Variants in ACAN observed in about 807,000 individuals in gnomAD.
ACAN encodes aggrecan, also known as aggrecan core protein.
ACAN carries 47 observed loss-of-function variants against 169.1 expected under a neutral mutation model. The ratio of observed to expected loss-of-function variants is 0.28; its 90% CI spans 0.22 to 0.35. ACAN has a LOEUF of 0.35. Ranked by LOEUF, ACAN falls within the 10% of genes least tolerant of loss-of-function variation. ACAN has a pLI of 1.00. For synonymous variants in ACAN, 1,115 were observed against 1,112.2 expected (o/e 1.00, Z -0.05); for missense variants, 2,716 against 2,759.9 (o/e 0.98, Z 0.36).
intron 1 of ACAN, among the ~76,000 whole-genome samples, chr15:88,811,800 G>C (rs1895827728): frequency 6.6e-6 from 1 of 152,102 alleles, no homozygotes; most frequent in African/African-American, 2.4e-5. Context: ...CTGGAGCTGA[G>C]TAAAGAGGTG....
At chr15:88,841,335 G>T (rs1596133134) in intron 4 of ACAN, among the ~76,000 whole-genome samples, 1 of 152,162 alleles carries the variant, frequency 6.6e-6, no homozygotes. Context: ...ATGGCCCAGA[G>T]GCCAAGTCCA....
In ACAN at chr15:88,851,589, G is replaced by A. The variant is rs1213877682; in HGVS notation, c.2027-205G>A. 5.4e-6 allele frequency: 3 copies of A among 557,688 alleles called. No homozygotes were observed. Among genetic ancestry groups the A allele is most frequent in the African/African-American group, 3.7e-5 (2 of 53,480 alleles). The allele number at this position is 557,688 out of a possible 1,614,324, so 34.5% of individuals were successfully genotyped here. On this transcript the variant is annotated intron_variant, in intron 10 of 18. Coordinates refer to ENST00000560601, the MANE Select transcript of ACAN (RefSeq NM_001369268.1). This position sits in a 1 kb window ranked among gnomAD's most constrained non-coding sequence, Gnocchi z 4.3. ...TGCAGGGGAGATGCCCCAGATCACT[G>A]GAACTAAAGTGCTGATGGTGCATAT... is the stretch of plus-strand genomic sequence containing the variant.
At chr15:88,809,681 T>C (rs562268916) in intron 1 of ACAN, among the ~76,000 whole-genome samples, 1 of 152,340 alleles carries the variant, frequency 6.6e-6, no homozygotes, top group East Asian at 1.9e-4. Flanking sequence ...CAGAACGTGC[T>C]GCATCAGGTT....
Position 88,869,601 on chromosome 15 carries a change from A to G in ACAN, c.7060+1272A>G, listed in dbSNP as rs1214370991. On this transcript the variant is annotated intron_variant, in intron 14 of 18. Coordinates refer to ENST00000560601, the MANE Select transcript of ACAN (RefSeq NM_001369268.1). This position sits in a 1 kb window ranked among gnomAD's most constrained non-coding sequence, Gnocchi z 4.2. ...TTGCCACAGGGTAGAAGAGTCTGGG[A>G]CTTCCATGCCGACAACAGCTATTTG... 6.6e-6 allele frequency among the ~76,000 whole-genome samples: 1 copy of G among 152,154 alleles called. No individual in the cohort carries two copies. Among genetic ancestry groups the G allele is most frequent in the Non-Finnish European group, 1.5e-5 (1 of 68,012 alleles).
Position 88,874,384 on chromosome 15 carries a change from T to G in ACAN, c.7631-21T>G. The G allele has an allele frequency of 2.5e-6, 4 of 1,582,092 alleles. No individual in the cohort carries two copies. Among genetic ancestry groups the G allele is most frequent in the Non-Finnish European group, 3.4e-6 (4 of 1,162,876 alleles). On this transcript the variant is annotated intron_variant, in intron 18 of 18. Transcript: ENST00000560601. This position sits in a 1 kb window ranked among gnomAD's most constrained non-coding sequence, Gnocchi z 7.3. Reference sequence around the variant, plus strand: ...TTCTTTCCAGGTCCACTGATATCTTTCCATCTCCCTTTCGTCCTAGCCACC... The same window carrying G: ...TTCTTTCCAGGTCCACTGATATCTTGCCATCTCCCTTTCGTCCTAGCCACC...
chr15:88,845,861 G>C lies in ACAN; in HGVS notation c.1408G>C (p.Gly470Arg). The C allele has an allele frequency of 6.9e-7, 1 of 1,458,076 alleles. No homozygotes were observed. Among genetic ancestry groups the C allele is most frequent in the South Asian group, 1.5e-5 (1 of 67,876 alleles). 90.3% of individuals were successfully genotyped at this position (1,458,076 alleles called of 1,614,324 possible). A position where few individuals can be genotyped will look rare whatever the true frequency, so the allele number is the denominator to read the frequency against. The change falls in exon 7 of 19, where the codon GGG becomes CGG. Residue 470 changes from glycine (G) to arginine (R), a missense_variant. Coordinates refer to ENST00000560601, the MANE Select transcript of ACAN (RefSeq NM_001369268.1). ...CGTCGTGCAGGTGACCGCTGTCCCT[G>C]GGCAGCCGCATTTGCCAGGGGGTAA... ...DLVVQVTAVP[G>R]QPHLPGGVVF...
intron 13 of ACAN, among the ~76,000 whole-genome samples, chr15:88,867,276 C>T (rs2141629200): frequency 6.6e-6 from 1 of 152,288 alleles, no homozygotes. Context: ...GAAGTTTGAT[C>T]AGAAAGGATA....
At position 88,872,815 on chromosome 15, in the gene ACAN, C is replaced by G. The variant is rs1284595986; in HGVS notation, c.7303-66C>G. On this transcript the variant is annotated intron_variant, in intron 16 of 18. Coordinates refer to ENST00000560601, the MANE Select transcript of ACAN (RefSeq NM_001369268.1). This position sits in a 1 kb window ranked among gnomAD's most constrained non-coding sequence, Gnocchi z 5.4. ...TGATGAAGAGGCTCCACGGGGAAGA[C>G]AGTCGGAGCAGGCCAACCCGCACTG... 3.9e-6 allele frequency: 6 copies of G among 1,550,742 alleles called. No individual in the cohort carries two copies. The highest frequency in any genetic ancestry group is 4.4e-6 in the Non-Finnish European group (5 of 1,135,948).
At chr15:88,834,488 G>A (rs1018472827) in intron 1 of ACAN, among the ~76,000 whole-genome samples, 8 of 152,194 alleles carry the variant, frequency 5.3e-5, no homozygotes, top group Middle Eastern at 6.3e-3. Context: ...CCCAGCCGGC[G>A]GTGACTGAGC....
chr15:88,851,917 A>G lies in ACAN; in HGVS notation c.2150A>G (p.Glu717Gly), dbSNP rs1373392482. The change falls in exon 11 of 19, where the codon GAG (glutamate) becomes GGG (glycine). Residue 717 changes from glutamate (E) to glycine (G), a missense_variant. Around this residue, in one of 3 missense-constraint regions of ACAN, gnomAD observed 1,283 missense variants for 1,281.5 expected, o/e 1.00. Transcript: ENST00000560601. This position sits in a 1 kb window ranked among gnomAD's most constrained non-coding sequence, Gnocchi z 4.3. ...GTGGCTGCTGTCCCCGTAGAAGAGG[A>G]GACAACTGCTGTACCCTCAGGGGAG... is the stretch of plus-strand genomic sequence containing the variant. ...PGVAAVPVEEETTAVPSGETT... is the reference protein window; with the variant it reads ...PGVAAVPVEEGTTAVPSGETT... The G allele has an allele frequency of 6.2e-7, 1 of 1,612,552 alleles. No homozygotes were observed. The highest frequency in any genetic ancestry group is 8.5e-7 in the Non-Finnish European group (1 of 1,179,424).
At position 88,847,375 on chromosome 15, in the gene ACAN, A is replaced by G. The variant is rs1179005751; in HGVS notation, c.1562A>G (p.Tyr521Cys). The change falls in exon 8 of 19, where the codon TAT (tyrosine) becomes TGT (cysteine). Residue 521 changes from tyrosine to cysteine, a missense_variant. This residue lies in a region of ACAN where 1,283 missense variants were observed against 1,281.5 expected (regional missense o/e 1.00). Coordinates refer to ENST00000560601, the MANE Select transcript of ACAN (RefSeq NM_001369268.1). ...CTCCAGGCCGCCTACGAAGCAGGCT[A>G]TGAGCAGTGTGACGCCGGCTGGCTG... Reference protein sequence around the residue: ...EQLQAAYEAGYEQCDAGWLRD... With the variant: ...EQLQAAYEAGCEQCDAGWLRD... 1 of 1,592,402 alleles carries G rather than the reference A, an allele frequency of 6.3e-7. No individual in the cohort carries two copies. Among genetic ancestry groups the G allele is most frequent in the Non-Finnish European group, 8.6e-7 (1 of 1,169,500 alleles).
intron 2 of ACAN, among the ~76,000 whole-genome samples, chr15:88,837,143 C>G (rs1464151105): frequency 6.6e-6 from 1 of 152,150 alleles, no homozygotes; most frequent in Non-Finnish European, 1.5e-5. Flanking sequence ...GGGAGCCACC[C>G]TGGGCCCAAG....
rs1253683206 is a variant in ACAN, at chr15:88,851,363, G to T, written c.2027-431G>T. The T allele has an allele frequency of 6.2e-6, 1 of 160,754 alleles. No homozygotes were observed. Among genetic ancestry groups the T allele is most frequent in the Admixed American group, 6.1e-5 (1 of 16,444 alleles). 10.0% of individuals were successfully genotyped at this position (160,754 alleles called of 1,614,324 possible). On this transcript the variant is annotated intron_variant, in intron 10 of 18. Coordinates refer to ENST00000560601, the MANE Select transcript of ACAN (RefSeq NM_001369268.1). The surrounding 1 kb of genome is among the most constrained non-coding windows in gnomAD (Gnocchi z 4.3). The stretch of plus-strand genomic sequence containing the variant: ...GTTGTTCAGTAGTTGAGAGCGTGGA[G>T]TCTGGTACCAGATGCTTAAATTCAA...
chr15:88,818,404 G>C (rs1402646222), intron 1 of ACAN, among the ~76,000 whole-genome samples: 1 of 152,204 alleles, frequency 6.6e-6, no homozygotes, highest in Non-Finnish European at 1.5e-5. Flanking sequence ...GAATACTTTA[G>C]TGAGAAATTC....
chr15:88,841,714 A>G (rs775583964), intron 4 of ACAN, 26 bp from the exon 5 acceptor site: 11 of 1,613,304 alleles, frequency 6.8e-6, no homozygotes, highest in Non-Finnish European at 9.3e-6. Context: ...CCTGAGTGTC[A>G]CACCTCCATT....
intron 13 of ACAN, among the ~76,000 whole-genome samples, chr15:88,864,676 C>G (rs924002273): frequency 1.3e-5 from 2 of 152,212 alleles, no homozygotes; most frequent in Non-Finnish European, 2.9e-5. Flanking sequence ...AGTGTATCTA[C>G]TCAGGTCTGT....
chr15:88,839,934 TA>T lies in ACAN; in HGVS notation c.455-76del. ...CCTAAGGTCCCTTTGACTATTGCCA[TA>T]ATTCTGCGAGGGCCTCGGTGATCAG... On this transcript the variant is annotated intron_variant, in intron 3 of 18. Transcript: ENST00000560601. This position sits in a 1 kb window ranked among gnomAD's most constrained non-coding sequence, Gnocchi z 4.5. 1 of 1,516,468 alleles carries T rather than the reference TA, an allele frequency of 6.6e-7. No individual in the cohort carries two copies. 93.9% of individuals were successfully genotyped at this position (1,516,468 alleles called of 1,614,324 possible). A position where few individuals can be genotyped will look rare whatever the true frequency, so the allele number is the denominator to read the frequency against.
intron 1 of ACAN, among the ~76,000 whole-genome samples, chr15:88,816,233 G>A (rs996699232): frequency 6.6e-6 from 1 of 152,204 alleles, no homozygotes; most frequent in African/African-American, 2.4e-5. Flanking sequence ...CAGGCAATGG[G>A]GGTTCAGGCT....
intron 1 of ACAN, among the ~76,000 whole-genome samples, chr15:88,833,303 A>G (rs566909420): frequency 1.0e-3 from 154 of 152,240 alleles, no homozygotes; most frequent in African/African-American, 3.1e-3. Flanking sequence ...GAGAAAGTCA[A>G]TTCCCTGGTG....
Sources: gnomAD v4.1 joint callset for allele counts (sites outside exome capture counted in the v4.1 genomes callset) on GRCh38, gnomAD v4.1.1 for gene constraint, gnomAD v4.1.1 regional missense constraint, Gnocchi (gnomAD v3.1) non-coding constraint, MANE v1.5 for transcripts, NCBI Gene and HGNC (gene_info 2026-07-23, HGNC 2026-07-21) for gene names.